UBAP1L: variants seen among roughly 807,000 people sequenced by gnomAD.
UBAP1L encodes ubiquitin-associated protein 1-like.
UBAP1L carries 32 observed loss-of-function variants against 32.1 expected under a neutral mutation model. The ratio of observed to expected loss-of-function variants is 1.00; its 90% CI spans 0.75 to 1.34. UBAP1L has a LOEUF of 1.34. Ranked by LOEUF, UBAP1L falls within the 40% of genes most tolerant of loss-of-function variation. The pLI is 0.00. For synonymous variants in UBAP1L, 243 were observed against 250.2 expected, an observed-to-expected ratio of 0.97 and a Z score of 0.27; for missense variants, 516 against 540.5, an observed-to-expected ratio of 0.95 and a Z score of 0.45.
chr15:65,110,498 T>C (rs1400870014), intron 1 of UBAP1L, among the ~76,000 whole-genome samples: 2 of 149,084 alleles, frequency 1.3e-5, no homozygotes, highest in Non-Finnish European at 3.0e-5. Context: ...GCCAACATGG[T>C]GAAACCCCGT....
At chr15:65,096,580 TC>T (rs1453853881) in intron 4 of UBAP1L, 8 of 152,258 alleles carry the variant, frequency 5.3e-5, no homozygotes, top group African/African-American at 1.9e-4. Context: ...GTAGAAGCTA[TC>T]AGGCTTGCCT....
At chr15:65,105,528 G>A (rs2140567382) in intron 2 of UBAP1L, 4 of 501,966 alleles carry the variant, frequency 8.0e-6, no homozygotes, top group South Asian at 7.4e-5. Context: ...GAGGTAATCT[G>A]TGAAAATGGT....
chr15:65,110,734 C>CACAGAATTTA (rs1030093550), intron 1 of UBAP1L, among the ~76,000 whole-genome samples: 1 of 150,368 alleles, frequency 6.7e-6, no homozygotes. Context: ...AACTCATTCA[C>CACAGAATTTA]ACAGAATTTA....
At position 65,102,553 on chromosome 15, in the gene UBAP1L, T is replaced by C. The variant is rs989435216; in HGVS notation, c.252A>G (p.Glu84=). 2 of 1,534,974 alleles carry C rather than the reference T, an allele frequency of 1.3e-6. No homozygotes were observed. Among genetic ancestry groups the C allele is most frequent in the African/African-American group, 2.8e-5 (2 of 71,780 alleles). ...TGGTGGGCGCAGGCGCCAGCCCATG[T>C]TCGGGGCTGACTAGCAAGAGCCAGG... ...PPAWLLLVSP[E]HGLAPAPTTI... The change falls in exon 3 of 6, where the codon GAA becomes GAG. Residue 84 remains glutamate (E), a synonymous_variant. Coordinates refer to ENST00000559089, the MANE Select transcript of UBAP1L (RefSeq NM_001163692.2). This position sits in a 1 kb window ranked among gnomAD's most constrained non-coding sequence, Gnocchi z 5.0.
intron 2 of UBAP1L, among the ~76,000 whole-genome samples, chr15:65,103,905 A>G (rs2087273186): frequency 6.6e-6 from 1 of 152,206 alleles, no homozygotes; most frequent in African/African-American, 2.4e-5. Context: ...CCAAGACCCA[A>G]TAAAATGCCA....
At chr15:65,107,266 A>C (rs1472938379) in intron 1 of UBAP1L, among the ~76,000 whole-genome samples, 3 of 151,780 alleles carry the variant, frequency 2.0e-5, no homozygotes, top group Admixed American at 1.3e-4. Context: ...AGTATCTCTA[A>C]CACATCACAC....
chr15:65,101,776 T>G (rs957809669), intron 3 of UBAP1L: 9 of 189,654 alleles, frequency 4.7e-5, no homozygotes, highest in Non-Finnish European at 8.6e-5. Context: ...CAAAAATCAG[T>G]GCGATCCAGT....
At chr15:65,111,101 G>C (rs2087366979) in intron 1 of UBAP1L, among the ~76,000 whole-genome samples, 1 of 152,230 alleles carries the variant, frequency 6.6e-6, no homozygotes, top group Admixed American at 6.5e-5. Context: ...TCCATGCCTA[G>C]AGCTGGTCTC....
At position 65,106,308 on chromosome 15, in the gene UBAP1L, T is replaced by C; in HGVS notation, c.-93A>G. 3.0e-6 allele frequency: 4 copies of C among 1,330,296 alleles called. No homozygotes were observed. The highest frequency in any genetic ancestry group is 3.9e-6 in the Non-Finnish European group (4 of 1,033,904). The allele number at this position is 1,330,296 out of a possible 1,614,324, so 82.4% of individuals were successfully genotyped here. A position where few individuals can be genotyped will look rare whatever the true frequency, so the allele number is the denominator to read the frequency against. ...GAGTCCTGAGGACCAGGCTCAGGCC[T>C]CAAATGGCCTCACTGCTCTCCTGTG... On this transcript the variant is annotated 5_prime_UTR_variant, in exon 2 of 6. Coordinates refer to ENST00000559089, the MANE Select transcript of UBAP1L (RefSeq NM_001163692.2).
At chr15:65,093,838 A>G (rs2087144540) in intron 5 of UBAP1L, among the ~76,000 whole-genome samples, 1 of 152,016 alleles carries the variant, frequency 6.6e-6, no homozygotes, top group Admixed American at 6.6e-5. Flanking sequence ...GAGATCAGGC[A>G]TTCGAGACCA....
intron 1 of UBAP1L, 72 bp downstream of exon 1, chr15:65,115,078 G>T (rs2087394033): frequency 6.6e-6 from 1 of 152,198 alleles, no homozygotes; most frequent in Admixed American, 6.5e-5. Context: ...TACTATTTCA[G>T]AATGTTCACA....
At position 65,094,552 on chromosome 15, in the gene UBAP1L, C is replaced by T. The variant is rs1296865729; in HGVS notation, c.934G>A (p.Asp312Asn). ...SQFLSYLSACDRLLRQGYEEG... is the reference protein window; with the variant it reads ...SQFLSYLSACNRLLRQGYEEG... ...TCATATCCCTGACGTAACAGGCGGT[C>T]ACAGGCACTGAGGTAGCTGAGAAAC... Residue 312 changes from aspartate (D) to asparagine (N), a missense_variant, in exon 5 of 6, where the codon GAC becomes AAC. Coordinates refer to ENST00000559089, the MANE Select transcript of UBAP1L (RefSeq NM_001163692.2). This position sits in a 1 kb window ranked among gnomAD's most constrained non-coding sequence, Gnocchi z 4.2. The T allele has an allele frequency of 3.2e-6, 5 of 1,551,504 alleles. No homozygotes were observed. The Admixed American group carries it at 7.8e-5, about 24-fold the overall frequency.
chr15:65,104,524 G>A (rs1309377445), intron 2 of UBAP1L, among the ~76,000 whole-genome samples: 1 of 152,104 alleles, frequency 6.6e-6, no homozygotes, highest in Non-Finnish European at 1.5e-5. Flanking sequence ...TATATTATAG[G>A]GATTTAGTAA....
At chr15:65,097,399 T>C (rs2087187599) in intron 4 of UBAP1L, 3 of 152,256 alleles carry the variant, frequency 2.0e-5, no homozygotes, top group Non-Finnish European at 2.9e-5. Context: ...GGCGTGACTT[T>C]AGATCTGCTC....
chr15:65,106,324 C>G lies in UBAP1L; in HGVS notation c.-109G>C, dbSNP rs2087311689. 8.2e-7 allele frequency: 1 copy of G among 1,221,286 alleles called. No individual in the cohort carries two copies. Among genetic ancestry groups the G allele is most frequent in the South Asian group, 1.8e-5 (1 of 56,734 alleles). 75.7% of individuals were successfully genotyped at this position (1,221,286 alleles called of 1,614,324 possible). ...GCTCAGGCCTCAAATGGCCTCACTGCTCTCCTGTGTGGTCACTTAGCTGAG... is the reference window on the plus strand; with the variant it reads ...GCTCAGGCCTCAAATGGCCTCACTGGTCTCCTGTGTGGTCACTTAGCTGAG... On this transcript the variant is annotated 5_prime_UTR_variant, in exon 2 of 6. Coordinates refer to ENST00000559089, the MANE Select transcript of UBAP1L (RefSeq NM_001163692.2).
At position 65,102,777 on chromosome 15, in the gene UBAP1L, G is replaced by C; in HGVS notation, c.121-93C>G. The C allele has an allele frequency of 1.7e-6, 2 of 1,196,814 alleles. No individual in the cohort carries two copies. The highest frequency in any genetic ancestry group is 2.3e-6 in the Non-Finnish European group (2 of 867,418). The allele number at this position is 1,196,814 out of a possible 1,614,324, so 74.1% of individuals were successfully genotyped here. On this transcript the variant is annotated intron_variant, in intron 2 of 5. Coordinates refer to ENST00000559089, the MANE Select transcript of UBAP1L (RefSeq NM_001163692.2). This position sits in a 1 kb window ranked among gnomAD's most constrained non-coding sequence, Gnocchi z 5.0. ...GCCTGGGGGACCCTGTTCAGCCAGA[G>C]ACTCTCTAAGCCTGGACAGCGTCAG...
In UBAP1L at chr15:65,098,662, C is replaced by T. The variant is rs115197208; in HGVS notation, c.909+843G>A. 2.8e-3 allele frequency: 426 copies of T among 152,288 alleles called. 1 individual carries two copies. The highest frequency in any genetic ancestry group is 9.8e-3 in the African/African-American group (406 of 41,538). 9.4% of individuals were successfully genotyped at this position (152,288 alleles called of 1,614,324 possible). A position where few individuals can be genotyped will look rare whatever the true frequency, so the allele number is the denominator to read the frequency against. ...TGCTGGAGATATGTGGCCCAGCTGA[C>T]AAGTATCACCACCCACTGTACAGTG... On this transcript the variant is annotated intron_variant, in intron 4 of 5. Coordinates refer to ENST00000559089, the MANE Select transcript of UBAP1L (RefSeq NM_001163692.2).
At position 65,102,700 on chromosome 15, in the gene UBAP1L, G is replaced by C. The variant is rs1373757512; in HGVS notation, c.121-16C>G. ...TGAAGTCGTGCTGCGGAAAGAAGGC[G>C]ACGTAAAGCCCAGGGCAAACCAGGA... On this transcript the variant is annotated splice_polypyrimidine_tract_variant and intron_variant, in intron 2 of 5. Coordinates refer to ENST00000559089, the MANE Select transcript of UBAP1L (RefSeq NM_001163692.2). This position sits in a 1 kb window ranked among gnomAD's most constrained non-coding sequence, Gnocchi z 5.0. 4 of 1,543,018 alleles carry C rather than the reference G, an allele frequency of 2.6e-6. No individual in the cohort carries two copies. The highest frequency in any genetic ancestry group is 3.9e-5 in the Admixed American group (2 of 50,846).
chr15:65,102,788 C>G lies in UBAP1L; in HGVS notation c.121-104G>C. On this transcript the variant is annotated intron_variant, in intron 2 of 5. Transcript: ENST00000559089. This position sits in a 1 kb window ranked among gnomAD's most constrained non-coding sequence, Gnocchi z 5.0. ...CCTGTTCAGCCAGAGACTCTCTAAG[C>G]CTGGACAGCGTCAGATTCTGAGCCC... The G allele has an allele frequency of 9.3e-7, 1 of 1,075,202 alleles. No individual in the cohort carries two copies. Among genetic ancestry groups the G allele is most frequent in the South Asian group, 1.6e-5 (1 of 61,418 alleles). 66.6% of individuals were successfully genotyped at this position (1,075,202 alleles called of 1,614,324 possible).
Sources: allele counts gnomAD v4.1 joint callset (sites outside exome capture counted in the v4.1 genomes callset), GRCh38; gene constraint gnomAD v4.1.1; non-coding constraint Gnocchi (gnomAD v3.1); transcripts MANE v1.5; gene names NCBI Gene and HGNC (gene_info 2026-07-23, HGNC 2026-07-21).